Variants in PUDP observed in about 807,000 individuals in gnomAD.
PUDP encodes pseudouridine 5'-phosphatase, also known as pseudouridine-5'-phosphatase.
PUDP carries 8 observed loss-of-function variants against 9.4 expected under a neutral mutation model. The observed-to-expected ratio is 0.85, with a 90% confidence interval of 0.50 to 1.53. The LOEUF is 1.53. Among genes scored for constraint, PUDP ranks in the 40% most tolerant of loss-of-function variants. The probability of loss-of-function intolerance (pLI) is 0.00; values close to 1 mark genes in which losing one functional copy is unlikely to be tolerated. For synonymous variants in PUDP, 99 were observed against 80.7 expected (o/e 1.23, Z -1.22); for missense variants, 188 against 189.7 (o/e 0.99, Z 0.05).
intron 3 of PUDP, among the ~76,000 whole-genome samples, chrX:6,972,785 C>T (rs1928896555): frequency 1.8e-5 from 2 of 111,805 alleles, no homozygotes; most frequent in African/African-American, 6.5e-5. Flanking sequence ...AGGAATGGTA[C>T]CAGCTCCTCT....
chrX:6,896,332 G>A (rs1927591480), intron 3 of PUDP, among the ~76,000 whole-genome samples: 1 of 111,863 alleles, frequency 8.9e-6, no homozygotes, highest in South Asian at 3.7e-4. Flanking sequence ...AGTCCCTCTT[G>A]AGGCCGAGTG....
chrX:6,859,736 G>A (rs150348431), intron 3 of PUDP, among the ~76,000 whole-genome samples: 179 of 111,295 alleles, frequency 1.6e-3, no homozygotes, highest in African/African-American at 5.5e-3. Context: ...CCACCCAGAG[G>A]TGGACTCAAT....
intron 3 of PUDP, among the ~76,000 whole-genome samples, chrX:6,945,967 CATTAG>C: frequency 9.0e-6 from 1 of 111,183 alleles, no homozygotes; most frequent in Non-Finnish European, 1.9e-5. Flanking sequence ...CGCTAACCAC[CATTAG>C]ACTTGCTTCC....
chrX:7,087,084 C>T (rs1235440070), intron 2 of PUDP, among the ~76,000 whole-genome samples: 1 of 111,713 alleles, frequency 9.0e-6, no homozygotes, highest in African/African-American at 3.3e-5. Flanking sequence ...ACTGGCTTGA[C>T]AGTGCTCTCC....
chrX:7,078,702 C>T (rs1357776444), intron 2 of PUDP, among the ~76,000 whole-genome samples: 2 of 112,009 alleles, frequency 1.8e-5, no homozygotes, highest in Middle Eastern at 4.6e-3. Flanking sequence ...TCATTTTTTC[C>T]GAACACCTAC....
chrX:6,772,285 A>G (rs1925376510), intron 3 of PUDP, among the ~76,000 whole-genome samples: 1 of 111,599 alleles, frequency 9.0e-6, no homozygotes, highest in African/African-American at 3.3e-5. Flanking sequence ...TTCCTATATT[A>G]CAATGAAATA....
intron 3 of PUDP, among the ~76,000 whole-genome samples, chrX:6,810,360 AG>A (rs1316908131): frequency 5.4e-5 from 6 of 111,710 alleles, no homozygotes; most frequent in African/African-American, 2.0e-4. Flanking sequence ...GTAGTGTCAG[AG>A]GTACTTCCCG....
intron 3 of PUDP, among the ~76,000 whole-genome samples, chrX:7,066,295 G>A (rs1335380365): frequency 8.9e-6 from 1 of 111,743 alleles, no homozygotes; most frequent in African/African-American, 3.3e-5. Context: ...GGAACTACGA[G>A]GCATGGATTT....
chrX:6,830,290 T>C (rs1426295463), intron 3 of PUDP, among the ~76,000 whole-genome samples: 3 of 109,351 alleles, frequency 2.7e-5, no homozygotes, highest in Non-Finnish European at 5.7e-5. Flanking sequence ...CACACCAAGA[T>C]GTAATTGGCA....
Position 6,865,788 on chromosome X carries a change from TA to T in PUDP, c.*247+111344del, listed in dbSNP as rs767244948. Among the ~76,000 whole-genome samples the T allele has an allele frequency of 8.3e-3, 884 of 106,693 alleles. 8 individuals are homozygous for T. The highest frequency in any genetic ancestry group is 0.013 in the Non-Finnish European group (641 of 51,172). 92.7% of individuals were successfully genotyped at this position (106,693 alleles called of 115,157 possible). ...TCTAAGCATGCTGAGCTGATTAAGCTAAAAAAAAAACAGATTTTATTTTTCT... is the reference window on the plus strand; with the variant it reads ...TCTAAGCATGCTGAGCTGATTAAGCTAAAAAAAAACAGATTTTATTTTTCT... On this transcript the variant is annotated intron_variant and NMD_transcript_variant, in intron 3 of 3. Transcript: ENST00000655425.
intron 3 of PUDP, among the ~76,000 whole-genome samples, chrX:6,958,527 C>A (rs1928660794): frequency 9.0e-6 from 1 of 110,942 alleles, no homozygotes; most frequent in African/African-American, 3.3e-5. Flanking sequence ...TGAAGAGGAA[C>A]CTCTACTTTA....
At chrX:7,043,410 C>A (rs961607756) in intron 1 of PUDP, among the ~76,000 whole-genome samples, 3 of 111,558 alleles carry the variant, frequency 2.7e-5, no homozygotes. Flanking sequence ...CATCTGTGCA[C>A]ACAGCAGCTC....
At chrX:7,105,527 C>T (rs1325571771) in intron 2 of PUDP, 93 bp downstream of exon 2, 1 of 627,521 alleles carries the variant, frequency 1.6e-6, no homozygotes, top group Non-Finnish European at 2.4e-6. Flanking sequence ...AGAGGACAAA[C>T]TAAGCATGCC....
At chrX:6,769,877 G>C (rs1245863287) in intron 3 of PUDP, among the ~76,000 whole-genome samples, 1 of 111,867 alleles carries the variant, frequency 8.9e-6, no homozygotes, top group Non-Finnish European at 1.9e-5. Context: ...CATGTGCTGG[G>C]GTCTGTTTGC....
At chrX:6,956,371 C>CT (rs1360216159) in intron 3 of PUDP, among the ~76,000 whole-genome samples, 1 of 107,086 alleles carries the variant, frequency 9.3e-6, no homozygotes, top group African/African-American at 3.4e-5. Context: ...GCAAACATTG[C>CT]TCCTTAGGGA....
intron 1 of PUDP, among the ~76,000 whole-genome samples, chrX:7,002,445 G>A (rs1029121368): frequency 8.9e-6 from 1 of 111,811 alleles, no homozygotes; most frequent in Non-Finnish European, 1.9e-5. Context: ...ATTAAAACTA[G>A]ATCAAATGTG....
At chrX:6,707,725 C>T (rs1277560656) in intron 1 of PUDP, among the ~76,000 whole-genome samples, 1 of 111,819 alleles carries the variant, frequency 8.9e-6, no homozygotes, top group Admixed American at 9.5e-5. Context: ...ACTAGCCCGC[C>T]ACTCATCTCC....
intron 3 of PUDP, among the ~76,000 whole-genome samples, chrX:6,843,057 GTTT>G (rs1159108075): frequency 1.8e-5 from 2 of 112,674 alleles, no homozygotes; most frequent in East Asian, 5.6e-4. Flanking sequence ...AAGTGTGTGA[GTTT>G]TTTGGGGAGG....
In PUDP at chrX:7,050,382, G is replaced by A. The variant is rs752254426; in HGVS notation, c.601C>T (p.Arg201Ter). The A allele has an allele frequency of 1.7e-6, 2 of 1,210,997 alleles. No individual in the cohort carries two copies. Among genetic ancestry groups the A allele is most frequent in the Non-Finnish European group, 2.2e-6 (2 of 894,974 alleles). ...VVMVPDGNLS[R>*]DLTTKATLVL... ...AGGGTGGCCTTTGTTGTCAGATCTC[G>A]GCTCAAGTTTCCGTCAGGAACCATG... The change falls in exon 4 of 4, where the codon CGA becomes TGA. Residue 201 changes from arginine (R) to a stop codon, truncating the protein, a stop_gained. Transcript: ENST00000381077. LOFTEE classifies it high-confidence loss of function.
Sources: allele counts gnomAD v4.1 joint callset (sites outside exome capture counted in the v4.1 genomes callset), GRCh38; gene constraint gnomAD v4.1.1; transcripts MANE v1.5; gene names NCBI Gene and HGNC (gene_info 2026-07-23, HGNC 2026-07-21).